Variants in LARS1 observed in about 807,000 individuals in gnomAD.
LARS1 encodes the protein leucine--tRNA ligase, cytoplasmic.
In LARS1, 100 loss-of-function variants were observed where a neutral mutation model predicts 162.8. That is an observed-to-expected ratio of 0.61 (90% CI 0.52 to 0.73). LARS1 has a LOEUF of 0.73. Ranked by LOEUF, LARS1 falls within the 30% of genes least tolerant of loss-of-function variation. The pLI is 0.00. For synonymous variants in LARS1, 457 were observed against 462.8 expected, an observed-to-expected ratio of 0.99 and a Z score of 0.16; for missense variants, 1,258 against 1,408.9, an observed-to-expected ratio of 0.89 and a Z score of 1.71.
chr5:146,123,888 G>A (rs1054821926), intron 29 of LARS1, 94 bp downstream of exon 29: 1 of 596,112 alleles, frequency 1.7e-6, no homozygotes. Context: ...AAACACAGAA[G>A]ATGAAATTTA....
chr5:146,177,483 A>AATATAT (rs36005893), intron 2 of LARS1, 64 bp downstream of exon 2: 16 of 120,712 alleles, frequency 1.3e-4, no homozygotes, highest in Middle Eastern at 4.0e-3. Context: ...AAAAAAAAAA[A>AATATAT]ATATATATAT....
At chr5:146,161,629 TGTAA>T (rs1753781839) in intron 6 of LARS1, among the ~76,000 whole-genome samples, 1 of 152,060 alleles carries the variant, frequency 6.6e-6, no homozygotes, top group Admixed American at 6.6e-5. Flanking sequence ...GGCGCATGCC[TGTAA>T]TCCCAGCTAC....
intron 27 of LARS1, among the ~76,000 whole-genome samples, chr5:146,127,898 T>C (rs1321737281): frequency 6.6e-6 from 1 of 152,164 alleles, no homozygotes; most frequent in Non-Finnish European, 1.5e-5. Context: ...AATAATGGTC[T>C]AGAATATCAA....
intron 21 of LARS1, chr5:146,138,479 C>A (rs1752610100): frequency 6.6e-6 from 1 of 151,352 alleles, no homozygotes; most frequent in African/African-American, 2.4e-5. Flanking sequence ...GTAATCCCAG[C>A]ACTTTGGGAA....
intron 1 of LARS1, 27 bp from the exon 2 acceptor site, chr5:146,177,692 C>T (rs1754659825): frequency 8.2e-7 from 1 of 1,223,108 alleles, no homozygotes; most frequent in Non-Finnish European, 1.2e-6. Flanking sequence ...GAATAATCCA[C>T]TCTGTATTTC....
rs1753316346 is a variant in LARS1 at position 146,152,050 on chromosome 5, A to G, written c.1285-48T>C. 3.7e-6 allele frequency: 6 copies of G among 1,606,430 alleles called. 1 individual carries two copies. In the East Asian group the frequency reaches 8.9e-5, roughly 24 times the overall value. ...ACGTGTTCACACTGACTGGACACACAGCTCTGTAGGGCACAAGTCCTTTTG... is the reference window on the plus strand; with the variant it reads ...ACGTGTTCACACTGACTGGACACACGGCTCTGTAGGGCACAAGTCCTTTTG... On this transcript the variant is annotated intron_variant, in intron 13 of 31. Transcript: ENST00000394434.
At chr5:146,175,435 G>C (rs188659500) in intron 2 of LARS1, among the ~76,000 whole-genome samples, 16 of 151,326 alleles carry the variant, frequency 1.1e-4, no homozygotes, top group Middle Eastern at 3.4e-3. Flanking sequence ...CCCAGCTACT[G>C]GGGAGGCTGA....
chr5:146,157,618 C>T lies in LARS1; in HGVS notation c.850G>A (p.Gly284Ser), dbSNP rs1753589317. ...GCAGCCACCAAGAAAATATTTTTAC[C>T]TTTCAGGCCACTGAGAAAAAAAAAC... ...PYPSKLSGLKGKNIFLVAATL... is the reference protein window; with the variant it reads ...PYPSKLSGLKSKNIFLVAATL... The change falls in exon 10 of 32, where the codon GGT becomes AGT. Residue 284 changes from glycine to serine, a missense_variant. Gly to Ser is a moderately conservative substitution (Grantham distance 56, BLOSUM62 0). Transcript: ENST00000394434. 3 of 1,613,846 alleles carry T rather than the reference C, an allele frequency of 1.9e-6. No homozygotes were observed. Among genetic ancestry groups the T allele is most frequent in the East Asian group, 2.2e-5 (1 of 44,880 alleles).
At chr5:146,167,683 C>CGCGCCCGGCCTACGACCGGCTT in intron 5 of LARS1, among the ~76,000 whole-genome samples, 2 of 151,550 alleles carry the variant, frequency 1.3e-5, no homozygotes, top group Non-Finnish European at 1.5e-5. Context: ...CGTGAGCCAC[C>CGCGCCCGGCCTACGACCGGCTT]ACGCCCGGCT....
intron 31 of LARS1, among the ~76,000 whole-genome samples, chr5:146,117,320 T>G (rs1751600556): frequency 6.6e-6 from 1 of 152,048 alleles, no homozygotes; most frequent in Non-Finnish European, 1.5e-5. Flanking sequence ...ATCATAATAA[T>G]CCCATCCAAG....
At chr5:146,174,541 TATATGTATATATCC>T (rs1239385109) in intron 2 of LARS1, among the ~76,000 whole-genome samples, 2 of 104,072 alleles carry the variant, frequency 1.9e-5, no homozygotes, top group Non-Finnish European at 4.2e-5. Context: ...TATATATCCA[TATATGTATATATCC>T]ATATATATAT....
intron 2 of LARS1, among the ~76,000 whole-genome samples, chr5:146,175,698 G>C (rs1341263555): frequency 6.6e-6 from 1 of 151,664 alleles, no homozygotes; most frequent in African/African-American, 2.4e-5. Context: ...CATGGTGGCA[G>C]CCGCCTGTAG....
chr5:146,114,246 G>A lies in LARS1; in HGVS notation c.3391C>T (p.Leu1131=). 1 of 1,613,576 alleles carries A rather than the reference G, an allele frequency of 6.2e-7. No homozygotes were observed. Among genetic ancestry groups the A allele is most frequent in the Non-Finnish European group, 8.5e-7 (1 of 1,179,904 alleles). ...PLLGPRRVPV[L]GKEYTEKTPI... is the part of the protein sequence containing the mutation. ...GTCTTCTCGGTGTACTCCTTTCCCAGGACAGGAACTCGTCGAGGCCCCAAC... is the reference window on the plus strand; with the variant it reads ...GTCTTCTCGGTGTACTCCTTTCCCAAGACAGGAACTCGTCGAGGCCCCAAC... The change falls in exon 32 of 32, where the codon CTG becomes TTG. Residue 1131 remains leucine (L), a synonymous_variant. Coordinates refer to ENST00000394434, the MANE Select transcript of LARS1 (RefSeq NM_020117.11).
intron 27 of LARS1, among the ~76,000 whole-genome samples, chr5:146,127,310 C>T (rs2126403960): frequency 6.6e-6 from 1 of 152,016 alleles, no homozygotes; most frequent in South Asian, 2.1e-4. Context: ...TCCTCTGAAA[C>T]ACACGAAAAA....
chr5:146,127,264 G>C (rs1270511705), intron 27 of LARS1, among the ~76,000 whole-genome samples: 1 of 151,946 alleles, frequency 6.6e-6, no homozygotes, highest in African/African-American at 2.4e-5. Context: ...TTTTACTAAA[G>C]TACATGGGAA....
At chr5:146,144,794 G>A in intron 15 of LARS1, 85 bp from the exon 16 acceptor site, 1 of 1,205,730 alleles carries the variant, frequency 8.3e-7, no homozygotes, top group Non-Finnish European at 1.2e-6. Flanking sequence ...TTAAAAAAAT[G>A]CTATACCACC....
intron 30 of LARS1, among the ~76,000 whole-genome samples, chr5:146,122,042 TAAGAGGTTAAA>T (rs1218958549): frequency 3.9e-5 from 6 of 151,942 alleles, no homozygotes; most frequent in African/African-American, 1.5e-4. Flanking sequence ...AGCCAAAAAC[TAAGAGGTTAAA>T]AAAAGCTATT....
rs777813472 is a variant in LARS1 at position 146,153,162 on chromosome 5, C to T, written c.1284+12G>A. 1.3e-6 allele frequency: 2 copies of T among 1,598,004 alleles called. No homozygotes were observed. Among genetic ancestry groups the T allele is most frequent in the South Asian group, 2.2e-5 (2 of 90,704 alleles). ...GATGGATGTGAATATTCTGAATTAT[C>T]TATGTACTCACCGGCTCAAATGGCA... On this transcript the variant is annotated intron_variant, in intron 13 of 31. Coordinates refer to ENST00000394434, the MANE Select transcript of LARS1 (RefSeq NM_020117.11).
In LARS1 at chr5:146,132,956, T is replaced by C. The variant is rs781151609; in HGVS notation, c.2338A>G (p.Asn780Asp). ...GGACCACTTCTTAGGCTGTCCCAGT[T>C]GGCAACCATTTCTTTCACCCACTCT... ...WVEWVKEMVA[N>D]WDSLRSGPAS... Residue 780 changes from asparagine to aspartate, a missense_variant, in exon 23 of 32, where the codon AAC becomes GAC. Asn to Asp is a conservative substitution (Grantham distance 23). Transcript: ENST00000394434. 1 of 1,614,174 alleles carries C rather than the reference T, an allele frequency of 6.2e-7. No homozygotes were observed. Among genetic ancestry groups the C allele is most frequent in the Non-Finnish European group, 8.5e-7 (1 of 1,179,994 alleles).
Sources: gnomAD v4.1 joint callset for allele counts (sites outside exome capture counted in the v4.1 genomes callset) on GRCh38, gnomAD v4.1.1 for gene constraint, MANE v1.5 for transcripts, NCBI Gene and HGNC (gene_info 2026-07-23, HGNC 2026-07-21) for gene names.